THSD4: variants seen among roughly 807,000 people sequenced by gnomAD.
THSD4 encodes thrombospondin type-1 domain-containing protein 4.
A neutral mutation model predicts 119.0 loss-of-function variants in THSD4; 69 were observed. The observed-to-expected ratio is 0.58, with a 90% CI of 0.48 to 0.71. The LOEUF (loss-of-function observed/expected upper bound fraction) is 0.71, where lower values mean the gene tolerates loss of function less well. Ranked by LOEUF, THSD4 falls within the 30% of genes least tolerant of loss-of-function variation. THSD4 has a pLI of 0.00. For missense variants in THSD4, 1,393 were observed against 1,391.1 expected, an observed-to-expected ratio of 1.00 and a Z score of -0.02; for synonymous variants, 524 against 540.4, an observed-to-expected ratio of 0.97 and a Z score of 0.42.
At chr15:71,711,994 A>C (rs1177630233) in intron 8 of THSD4, among the ~76,000 whole-genome samples, 2 of 152,186 alleles carry the variant, frequency 1.3e-5, no homozygotes, top group African/African-American at 4.8e-5. Context: ...AATTGATAGA[A>C]CAAGTAGAGA....
At chr15:71,698,501 G>A (rs2141065723) in intron 8 of THSD4, among the ~76,000 whole-genome samples, 1 of 151,634 alleles carries the variant, frequency 6.6e-6, no homozygotes, top group South Asian at 2.1e-4. Flanking sequence ...ATCAGGATCA[G>A]GAGATCCTGA....
In THSD4 at chr15:71,667,743, T is replaced by C. The variant is rs368850921; in HGVS notation, c.1357+7009T>C. 4.8e-4 allele frequency among the ~76,000 whole-genome samples: 73 copies of C among 152,342 alleles called. No homozygotes were observed. In the East Asian group the frequency reaches 0.013, roughly 28 times the overall value. The stretch of plus-strand genomic sequence containing the variant: ...ATGACTATTAATCCCTAATATTTTT[T>C]GCATGTTCACTGTAAAAATTTCAAG... On this transcript the variant is annotated intron_variant, in intron 8 of 17. Coordinates refer to ENST00000261862, the MANE Select transcript of THSD4 (RefSeq NM_024817.3).
chr15:71,658,305 T>C (rs1180072475), intron 7 of THSD4, among the ~76,000 whole-genome samples: 1 of 152,228 alleles, frequency 6.6e-6, no homozygotes, highest in Non-Finnish European at 1.5e-5. Context: ...TTCAGCCGTG[T>C]CATTCTGTGT....
At chr15:71,601,400 C>A (rs558830708) in intron 7 of THSD4, among the ~76,000 whole-genome samples, 1 of 152,242 alleles carries the variant, frequency 6.6e-6, no homozygotes, top group South Asian at 2.1e-4. Context: ...GGGGTTGCTC[C>A]CTTATGGCCT....
chr15:71,694,767 A>G (rs1477536694), intron 8 of THSD4, among the ~76,000 whole-genome samples: 1 of 152,180 alleles, frequency 6.6e-6, no homozygotes, highest in East Asian at 1.9e-4. Context: ...AGAAGCCTGA[A>G]GTACAACTCT....
chr15:71,223,863 G>A (rs906935711), intron 4 of THSD4, among the ~76,000 whole-genome samples: 1 of 152,190 alleles, frequency 6.6e-6, no homozygotes. Context: ...CATTTTTTAG[G>A]TGGAAAAGAT....
chr15:71,111,388 G>C (rs749811034), upstream of THSD4: 3 of 1,612,636 alleles, frequency 1.9e-6, no homozygotes, highest in South Asian at 3.3e-5. Context: ...CCAGGCAAGG[G>C]CACAGGAACT....
chr15:71,661,932 T>C (rs1431995176), intron 8 of THSD4, among the ~76,000 whole-genome samples: 1 of 152,152 alleles, frequency 6.6e-6, no homozygotes, highest in Non-Finnish European at 1.5e-5. Context: ...ATCCCCACTT[T>C]ACATGTAAGA....
chr15:71,363,339 A>G (rs569171320), intron 6 of THSD4, among the ~76,000 whole-genome samples: 1 of 152,334 alleles, frequency 6.6e-6, no homozygotes, highest in African/African-American at 2.4e-5. Flanking sequence ...TAGTTTGCCA[A>G]CCTTGGTCTA....
intron 7 of THSD4, among the ~76,000 whole-genome samples, chr15:71,507,047 A>C (rs11072294): frequency 3.7e-4 from 57 of 152,300 alleles, no homozygotes; most frequent in Non-Finnish European, 6.8e-4. Flanking sequence ...AGGGTGTTGC[A>C]TAGGCAGGAG....
chr15:71,481,206 A>C (rs1157362883), intron 7 of THSD4, among the ~76,000 whole-genome samples: 1 of 152,214 alleles, frequency 6.6e-6, no homozygotes, highest in East Asian at 1.9e-4. Flanking sequence ...CTCTGTGATA[A>C]AAGAAGCCTC....
At chr15:71,515,668 C>T (rs951191006) in intron 7 of THSD4, among the ~76,000 whole-genome samples, 16 of 152,122 alleles carry the variant, frequency 1.1e-4, no homozygotes, top group Admixed American at 9.8e-4. Flanking sequence ...TGAAATGCAG[C>T]TTGTGTGGGA....
chr15:71,676,094 A>C (rs1056580010), intron 8 of THSD4, among the ~76,000 whole-genome samples: 4 of 152,230 alleles, frequency 2.6e-5, no homozygotes, highest in African/African-American at 9.7e-5. Context: ...ACCTTCTGGA[A>C]CTAGCTTTTA....
At chr15:71,366,589 C>T (rs182577337) in intron 6 of THSD4, among the ~76,000 whole-genome samples, 16 of 152,262 alleles carry the variant, frequency 1.1e-4, no homozygotes, top group Non-Finnish European at 1.6e-4. Flanking sequence ...CCCAATGGCC[C>T]GCACTATATG....
chr15:71,774,824 T>A (rs145262871), intron 17 of THSD4, among the ~76,000 whole-genome samples: 168 of 151,140 alleles, frequency 1.1e-3, no homozygotes, highest in Non-Finnish European at 1.9e-3. Context: ...AATTAATGAA[T>A]GAACCGTACA....
chr15:71,602,347 A>T (rs1328158709), intron 7 of THSD4, among the ~76,000 whole-genome samples: 1 of 151,942 alleles, frequency 6.6e-6, no homozygotes, highest in African/African-American at 2.4e-5. Context: ...TGAGGTCGGG[A>T]GTTCAAGACC....
rs530003898 is a variant in THSD4, at chr15:71,645,589, G to A, written c.1153-14941G>A. Among the ~76,000 whole-genome samples, 14 of 152,218 alleles carry A rather than the reference G, an allele frequency of 9.2e-5. No individual in the cohort carries two copies. The South Asian group carries it at 1.7e-3, about 18-fold the overall frequency. ...GTTTTAGATTCCCTTTCTGATAATC[G>A]AAGAACATTCTGGAGGCCTGAGGCA... On this transcript the variant is annotated intron_variant, in intron 7 of 17. Transcript: ENST00000261862.
At chr15:71,717,455 T>C (rs2052631055) in intron 8 of THSD4, among the ~76,000 whole-genome samples, 1 of 152,068 alleles carries the variant, frequency 6.6e-6, no homozygotes, top group Non-Finnish European at 1.5e-5. Flanking sequence ...GGTGGTGGAA[T>C]CTGGCATAAA....
intron 8 of THSD4, among the ~76,000 whole-genome samples, chr15:71,682,573 T>TA (rs1491435295): frequency 4.2e-5 from 1 of 23,666 alleles, no homozygotes; most frequent in African/African-American, 1.1e-4. Context: ...TGTATCTGGC[T>TA]TTTTTTTTTT....
Sources: allele counts gnomAD v4.1 joint callset (sites outside exome capture counted in the v4.1 genomes callset), GRCh38; gene constraint gnomAD v4.1.1; transcripts MANE v1.5; gene names NCBI Gene and HGNC (gene_info 2026-07-23, HGNC 2026-07-21).